Variants in RBFOX1 observed in about 807,000 individuals in gnomAD.
RBFOX1 encodes the protein RNA binding fox-1 homolog 1.
RBFOX1 carries 8 observed loss-of-function variants against 57.7 expected under a neutral mutation model. The ratio of observed to expected loss-of-function variants is 0.14; its 90% CI spans 0.08 to 0.25. The LOEUF (loss-of-function observed/expected upper bound fraction) is 0.25. Among genes scored for constraint, RBFOX1 ranks in the 10% least tolerant of loss-of-function variants. RBFOX1 has a pLI of 1.00. For missense variants in RBFOX1, 611 were observed against 548.5 expected (o/e 1.11, Z -1.14); for synonymous variants, 326 against 222.4 (o/e 1.47, Z -4.15).
At chr16:7,244,414 T>A (rs1477235057) in intron 4 of RBFOX1, among the ~76,000 whole-genome samples, 2 of 152,206 alleles carry the variant, frequency 1.3e-5, no homozygotes, top group African/African-American at 2.4e-5. Context: ...GCCAGCCATT[T>A]CAGCACACAT....
At chr16:6,930,913 C>T (rs1246168424) in intron 3 of RBFOX1, among the ~76,000 whole-genome samples, 1 of 151,876 alleles carries the variant, frequency 6.6e-6, no homozygotes, top group Non-Finnish European at 1.5e-5. Context: ...GCCGAGTCTT[C>T]TGTGTATTTG....
chr16:5,866,821 C>G (rs9922059), intron 3 of RBFOX1, among the ~76,000 whole-genome samples: 37,214 of 152,030 alleles, frequency 0.24, 4,866 homozygotes, highest in East Asian at 0.35. Flanking sequence ...CCTGGCACAA[C>G]TCTATTTCAC....
chr16:5,952,511 C>T (rs1597930874), intron 4 of RBFOX1, among the ~76,000 whole-genome samples: 1 of 151,964 alleles, frequency 6.6e-6, no homozygotes, highest in South Asian at 2.1e-4. Flanking sequence ...GGTCTCGAAC[C>T]ACTGACCTCA....
intron 14 of RBFOX1, among the ~76,000 whole-genome samples, chr16:7,701,604 C>G (rs762499469): frequency 6.6e-6 from 1 of 152,184 alleles, no homozygotes; most frequent in Non-Finnish European, 1.5e-5. Context: ...GACTTCTCCT[C>G]TAGGTGTTTA....
At chr16:6,371,647 C>T (rs2090446045) in intron 2 of RBFOX1, among the ~76,000 whole-genome samples, 1 of 152,096 alleles carries the variant, frequency 6.6e-6, no homozygotes, top group South Asian at 2.1e-4. Flanking sequence ...CAGAGTAATC[C>T]TTCCTTTGAT....
rs79812756 is a variant in RBFOX1, at chr16:7,001,889, C to T, written c.-15-50168C>T. 5.9e-3 allele frequency among the ~76,000 whole-genome samples: 895 copies of T among 151,854 alleles called. 9 individuals carry two copies. Among genetic ancestry groups the T allele is most frequent in the African/African-American group, 0.02 (840 of 41,390 alleles). ...AACTTTTCTTATTAAGTGGGGAGTCCCCATAGTAAGCGGGGGTCCCCAAAA... is the reference window on the plus strand; with the variant it reads ...AACTTTTCTTATTAAGTGGGGAGTCTCCATAGTAAGCGGGGGTCCCCAAAA... On this transcript the variant is annotated intron_variant, in intron 3 of 15. Transcript: ENST00000550418.
At chr16:5,839,780 A>G (rs1265677961) in intron 3 of RBFOX1, among the ~76,000 whole-genome samples, 1 of 152,148 alleles carries the variant, frequency 6.6e-6, no homozygotes, top group African/African-American at 2.4e-5. Context: ...CAGGAGGTGG[A>G]TGAATGCGGT....
chr16:7,520,136 C>T (rs543346797), intron 5 of RBFOX1, among the ~76,000 whole-genome samples: 15 of 149,694 alleles, frequency 1.0e-4, no homozygotes, highest in African/African-American at 2.2e-4. Context: ...CTGCCTGTCT[C>T]GGCCTCCCAA....
chr16:7,529,779 C>T lies in RBFOX1; in HGVS notation c.270+11390C>T, dbSNP rs545365716. Among the ~76,000 whole-genome samples, 109 of 152,090 alleles carry T rather than the reference C, an allele frequency of 7.2e-4. 1 individual carries two copies. The highest frequency in any genetic ancestry group is 2.5e-3 in the African/African-American group (104 of 41,504). On this transcript the variant is annotated intron_variant, in intron 5 of 15. Transcript: ENST00000550418. The stretch of plus-strand genomic sequence containing the variant: ...ATCCCAGCACTTTGGGAGGCTGAGA[C>T]GGGCAGATCACTTGAGGTCAGGAGT...
intron 3 of RBFOX1, among the ~76,000 whole-genome samples, chr16:6,987,283 C>T (rs899345862): frequency 1.3e-5 from 2 of 152,070 alleles, no homozygotes; most frequent in African/African-American, 4.8e-5. Flanking sequence ...TGGATGGAAT[C>T]TTAGGATCAT....
intron 3 of RBFOX1, among the ~76,000 whole-genome samples, chr16:6,738,091 A>AAAT (rs2070923618): frequency 2.0e-5 from 3 of 152,032 alleles, no homozygotes; most frequent in Non-Finnish European, 2.9e-5. Context: ...AAAAAAAAAA[A>AAAT]AAGTCAGGCA....
chr16:7,241,668 C>A (rs1260750868), intron 4 of RBFOX1, among the ~76,000 whole-genome samples: 1 of 151,922 alleles, frequency 6.6e-6, no homozygotes, highest in Non-Finnish European at 1.5e-5. Context: ...AGTAAGAGTG[C>A]ATTACAAAAA....
At chr16:5,315,000 G>T (rs2064196271) in intron 1 of RBFOX1, among the ~76,000 whole-genome samples, 1 of 152,184 alleles carries the variant, frequency 6.6e-6, no homozygotes, top group South Asian at 2.1e-4. Context: ...CGTGACCCTG[G>T]AAAGGGCATT....
At chr16:5,524,107 C>A (rs2044137446) in intron 2 of RBFOX1, among the ~76,000 whole-genome samples, 1 of 152,304 alleles carries the variant, frequency 6.6e-6, no homozygotes, top group African/African-American at 2.4e-5. Flanking sequence ...ACCAGCCTCA[C>A]AGGATGCAAT....
At chr16:5,368,391 C>G (rs1051777029) in intron 1 of RBFOX1, among the ~76,000 whole-genome samples, 2 of 152,166 alleles carry the variant, frequency 1.3e-5, no homozygotes, top group African/African-American at 4.8e-5. Context: ...GGGCACCTAA[C>G]CAATGTGGGT....
intron 3 of RBFOX1, among the ~76,000 whole-genome samples, chr16:5,821,642 G>A (rs994355712): frequency 5.3e-5 from 8 of 152,108 alleles, no homozygotes; most frequent in Non-Finnish European, 1.0e-4. Context: ...TTTTGTCTCA[G>A]TCTGTTCCTG....
intron 1 of RBFOX1, among the ~76,000 whole-genome samples, chr16:5,307,797 C>T (rs12596530): frequency 0.55 from 83,431 of 152,010 alleles, 26,572 homozygotes; most frequent in South Asian, 0.74. Flanking sequence ...CCTCAGCCCC[C>T]TGAGTAGCTA....
chr16:7,582,586 C>A (rs1602453547), intron 6 of RBFOX1, among the ~76,000 whole-genome samples: 1 of 152,190 alleles, frequency 6.6e-6, no homozygotes, highest in African/African-American at 2.4e-5. Context: ...TAAACATTCT[C>A]ATTGGCTCCC....
intron 3 of RBFOX1, among the ~76,000 whole-genome samples, chr16:5,743,046 G>GT (rs201325017): frequency 6.2e-4 from 94 of 151,322 alleles, no homozygotes; most frequent in African/African-American, 2.1e-3. Flanking sequence ...CTATTAGCCT[G>GT]TTTTTTTTTC....
Sources: gnomAD v4.1 joint callset for allele counts (sites outside exome capture counted in the v4.1 genomes callset) on GRCh38, gnomAD v4.1.1 for gene constraint, MANE v1.5 for transcripts, NCBI Gene and HGNC (gene_info 2026-07-23, HGNC 2026-07-21) for gene names.